EYA2: variants seen among roughly 807,000 people sequenced by gnomAD.
EYA2 encodes the protein EYA transcriptional coactivator and phosphatase 2, also known as protein phosphatase EYA2.
Under a neutral mutation model 69.2 loss-of-function variants are expected in EYA2, and 31 were observed. That is an observed-to-expected ratio of 0.45 (90% CI 0.34 to 0.60). EYA2 has a LOEUF of 0.60. EYA2 is among the 20% of genes least tolerant of loss of function. The pLI, the probability that EYA2 is intolerant of heterozygous loss-of-function variation, is 0.02. For missense variants in EYA2, 622 were observed against 701.2 expected, an observed-to-expected ratio of 0.89 and a Z score of 1.28; for synonymous variants, 257 against 279.4, an observed-to-expected ratio of 0.92 and a Z score of 0.80.
chr20:47,123,021 A>G (rs1464591986), intron 9 of EYA2, among the ~76,000 whole-genome samples: 1 of 152,088 alleles, frequency 6.6e-6, no homozygotes, highest in African/African-American at 2.4e-5. Context: ...CTCAGTTTTC[A>G]CCTCTGTAGC....
In EYA2 at chr20:47,097,156, C is replaced by T. The variant is rs1568776114; in HGVS notation, c.876C>T (p.Ser292=). 2.5e-6 allele frequency: 4 copies of T among 1,609,502 alleles called. No individual in the cohort carries two copies. The highest frequency in any genetic ancestry group is 3.4e-6 in the Non-Finnish European group (4 of 1,177,878). The change falls in exon 9 of 16, where the codon TCC becomes TCT. Residue 292 remains serine, a synonymous_variant. Transcript: ENST00000327619. ...FHSLLTGTFA[S]RYGKDTTTSV... ...CCTTACTCACGGGGACATTTGCATC[C>T]AGATACGGGAAGGTAAGAATCCATT... is the stretch of plus-strand genomic sequence containing the variant.
At chr20:47,041,047 A>G (rs1286852391) in intron 5 of EYA2, among the ~76,000 whole-genome samples, 1 of 152,112 alleles carries the variant, frequency 6.6e-6, no homozygotes, top group Non-Finnish European at 1.5e-5. Flanking sequence ...TGGCTGGAGG[A>G]TAAACCACCC....
chr20:47,125,664 TGTGTGTTAATC>T (rs2033171286), intron 9 of EYA2, among the ~76,000 whole-genome samples: 2 of 152,200 alleles, frequency 1.3e-5, no homozygotes, highest in African/African-American at 4.8e-5. Context: ...AGCTCTCTGT[TGTGTGTTAATC>T]CATTCCTGAC....
chr20:47,181,076 A>C (rs2034529083), intron 14 of EYA2, 140 bp downstream of exon 14: 1 of 1,203,514 alleles, frequency 8.3e-7, no homozygotes, highest in Admixed American at 2.7e-5. Context: ...AGATTCCCAA[A>C]ACAGCCCCCA....
At chr20:47,172,047 C>A (rs769003992) in intron 11 of EYA2, among the ~76,000 whole-genome samples, 1 of 151,506 alleles carries the variant, frequency 6.6e-6, no homozygotes, top group Non-Finnish European at 1.5e-5. Flanking sequence ...TGCAGTGAGC[C>A]GAGATCATGC....
intron 1 of EYA2, among the ~76,000 whole-genome samples, chr20:46,963,421 G>A (rs1979594257): frequency 1.3e-5 from 2 of 152,214 alleles, no homozygotes; most frequent in South Asian, 2.1e-4. Context: ...AAGCCCTGGG[G>A]ACACAGCAGC....
intron 5 of EYA2, among the ~76,000 whole-genome samples, chr20:47,019,550 T>C (rs1009738191): frequency 2.6e-5 from 4 of 152,102 alleles, no homozygotes; most frequent in African/African-American, 4.8e-5. Context: ...ATGGAAGACA[T>C]TGGTTGAGCT....
At chr20:47,164,650 C>T (rs1216532708) in intron 10 of EYA2, among the ~76,000 whole-genome samples, 1 of 152,118 alleles carries the variant, frequency 6.6e-6, no homozygotes, top group East Asian at 1.9e-4. Context: ...GCTCAGAGGT[C>T]TCAGACTCAC....
At chr20:47,081,786 AAAAAAAAG>A (rs2031729189) in intron 7 of EYA2, among the ~76,000 whole-genome samples, 1 of 151,452 alleles carries the variant, frequency 6.6e-6, no homozygotes, top group African/African-American at 2.4e-5. Flanking sequence ...CTCAAAAAAA[AAAAAAAAG>A]AAGAAAGAAA....
At chr20:47,173,406 C>G (rs1600770017) in intron 12 of EYA2, among the ~76,000 whole-genome samples, 2 of 151,440 alleles carry the variant, frequency 1.3e-5, no homozygotes, top group African/African-American at 2.4e-5. Flanking sequence ...ACATCAGCAT[C>G]CCCCGGAGCT....
chr20:47,145,728 G>A (rs2033686797), intron 10 of EYA2, among the ~76,000 whole-genome samples: 1 of 151,920 alleles, frequency 6.6e-6, no homozygotes, highest in Non-Finnish European at 1.5e-5. Context: ...ATGAAACCCT[G>A]TCTCTACTAA....
At chr20:47,171,386 T>C (rs1358910510) in intron 11 of EYA2, among the ~76,000 whole-genome samples, 1 of 152,022 alleles carries the variant, frequency 6.6e-6, no homozygotes, top group Admixed American at 6.5e-5. Context: ...CTCTTGTTTG[T>C]TTTTTTGTTT....
At chr20:47,088,941 T>TGTC (rs1364901653) in intron 7 of EYA2, among the ~76,000 whole-genome samples, 1 of 152,220 alleles carries the variant, frequency 6.6e-6, no homozygotes, top group Non-Finnish European at 1.5e-5. Context: ...CTTGTCGATG[T>TGTC]GTCTGATGAC....
chr20:46,987,964 C>CTCTCTCTCTCTCTCTATATA (rs1555809797), intron 1 of EYA2, among the ~76,000 whole-genome samples: 1 of 11,276 alleles, frequency 8.9e-5, no homozygotes. Flanking sequence ...CTCTCTCTCT[C>CTCTCTCTCTCTCTCTATATA]TATATATATA....
Position 47,017,345 on chromosome 20 carries a change from A to G in EYA2, c.415+1048A>G, listed in dbSNP as rs552054665. 2.2e-4 allele frequency among the ~76,000 whole-genome samples: 34 copies of G among 152,252 alleles called. 1 individual carries two copies. The highest frequency in any genetic ancestry group is 7.7e-4 in the African/African-American group (32 of 41,548). ...CTTTTTTTTGAGATGGAGTCTTGCTATGTTGCCCAGACTGGGCTCAAGTGA... is the reference window on the plus strand; with the variant it reads ...CTTTTTTTTGAGATGGAGTCTTGCTGTGTTGCCCAGACTGGGCTCAAGTGA... On this transcript the variant is annotated intron_variant, in intron 5 of 15. Transcript: ENST00000327619.
At chr20:46,977,992 C>T (rs370350566) in intron 1 of EYA2, among the ~76,000 whole-genome samples, 10 of 152,288 alleles carry the variant, frequency 6.6e-5, no homozygotes, top group South Asian at 4.1e-4. Context: ...ACACCTGGGG[C>T]GTGATATACC....
At chr20:47,037,468 A>G (rs1417386299) in intron 5 of EYA2, among the ~76,000 whole-genome samples, 3 of 152,230 alleles carry the variant, frequency 2.0e-5, no homozygotes, top group African/African-American at 7.2e-5. Context: ...TTAGTTTTCC[A>G]TGACTTCTAT....
chr20:47,052,953 A>T (rs2030417490), intron 5 of EYA2, among the ~76,000 whole-genome samples: 1 of 152,142 alleles, frequency 6.6e-6, no homozygotes, highest in Non-Finnish European at 1.5e-5. Context: ...TCCAGCCACC[A>T]TCTGGGTAGG....
chr20:47,089,126 G>A lies in EYA2; in HGVS notation c.662-113G>A, dbSNP rs982449450. ...TCATCCTACGAGATCTTTGCCTCTGGTGCTGCCTTGGAACCCACTGCTTTG... is the reference window on the plus strand; with the variant it reads ...TCATCCTACGAGATCTTTGCCTCTGATGCTGCCTTGGAACCCACTGCTTTG... On this transcript the variant is annotated intron_variant, in intron 7 of 15. Transcript: ENST00000327619. The A allele has an allele frequency of 1.7e-5, 21 of 1,264,672 alleles. No individual in the cohort carries two copies. In the African/African-American group the frequency reaches 3.0e-4, roughly 18 times the overall value. The allele number at this position is 1,264,672 out of a possible 1,614,324, so 78.3% of individuals were successfully genotyped here.
Sources: gnomAD v4.1 joint callset for allele counts (sites outside exome capture counted in the v4.1 genomes callset) on GRCh38, gnomAD v4.1.1 for gene constraint, MANE v1.5 for transcripts, NCBI Gene and HGNC (gene_info 2026-07-23, HGNC 2026-07-21) for gene names.